AK8: variants seen among roughly 807,000 people sequenced by gnomAD.
AK8 encodes adenylate kinase 8, also known as ATP-AMP transphosphorylase 8.
AK8 carries 44 observed loss-of-function variants against 54.6 expected under a neutral mutation model. That is an observed-to-expected ratio of 0.81 (90% confidence interval 0.63 to 1.04). AK8 has a LOEUF of 1.04. AK8 is among the 50% of genes least tolerant of loss of function. The pLI is 0.00. For synonymous variants in AK8, 239 were observed against 245.6 expected, an observed-to-expected ratio of 0.97 and a Z score of 0.25; for missense variants, 555 against 613.6, an observed-to-expected ratio of 0.90 and a Z score of 1.01.
chr9:132,746,170 C>A (rs1837641469), intron 11 of AK8, among the ~76,000 whole-genome samples: 1 of 67,006 alleles, frequency 1.5e-5, no homozygotes, highest in Non-Finnish European at 3.0e-5. Flanking sequence ...TCTATTCTCT[C>A]CTCTCGCTTC....
At chr9:132,773,125 T>C (rs1839060578) in intron 11 of AK8, among the ~76,000 whole-genome samples, 1 of 152,226 alleles carries the variant, frequency 6.6e-6, no homozygotes, top group African/African-American at 2.4e-5. Context: ...ACACCTCACC[T>C]GCGAGTCTCT....
At chr9:132,877,575 A>G (rs1293605654) in intron 1 of AK8, among the ~76,000 whole-genome samples, 2 of 152,202 alleles carry the variant, frequency 1.3e-5, no homozygotes, top group African/African-American at 4.8e-5. Flanking sequence ...GGCCTCGCCC[A>G]AAGTCACACG....
chr9:132,802,916 C>T (rs1474332818), intron 10 of AK8, among the ~76,000 whole-genome samples: 1 of 152,132 alleles, frequency 6.6e-6, no homozygotes, highest in Non-Finnish European at 1.5e-5. Flanking sequence ...TGTTAGGCTA[C>T]AAGAGATACT....
At position 132,727,472 on chromosome 9, in the gene AK8, T is replaced by C. The variant is rs1330074397; in HGVS notation, c.1184A>G (p.Asp395Gly). ...CACAAACCTTTCCCCAGTGACTGGA[T>C]CAATTCTTCTCAGAGTCAGCCGCTC... Reference protein sequence around the residue: ...IMERLTLRRIDPVTGERYHLM... With the variant: ...IMERLTLRRIGPVTGERYHLM... Residue 395 changes from aspartate to glycine, a missense_variant, in exon 12 of 13, where the codon GAT becomes GGT. Physicochemically the swap from Asp to Gly is moderately conservative, Grantham distance 94. Coordinates refer to ENST00000298545, the MANE Select transcript of AK8 (RefSeq NM_152572.3). The C allele has an allele frequency of 1.2e-6, 2 of 1,613,998 alleles. No homozygotes were observed. Among genetic ancestry groups the C allele is most frequent in the East Asian group, 2.2e-5 (1 of 44,868 alleles).
At chr9:132,802,260 G>A (rs531755460) in intron 10 of AK8, among the ~76,000 whole-genome samples, 17 of 152,124 alleles carry the variant, frequency 1.1e-4, no homozygotes, top group Non-Finnish European at 2.5e-4. Context: ...AGCCTTCCCC[G>A]GTGTGGTGTG....
intron 4 of AK8, among the ~76,000 whole-genome samples, chr9:132,862,158 C>T (rs1052469631): frequency 6.6e-6 from 1 of 152,164 alleles, no homozygotes; most frequent in Admixed American, 6.5e-5. Flanking sequence ...CTGGTGTCCC[C>T]GCAAGCTGAA....
At chr9:132,855,481 C>T (rs1274180945) in intron 4 of AK8, among the ~76,000 whole-genome samples, 3 of 152,150 alleles carry the variant, frequency 2.0e-5, no homozygotes, top group Admixed American at 2.0e-4. Flanking sequence ...CCATCTCTTC[C>T]CAAGTCCACA....
At chr9:132,782,298 C>G (rs535488321) in intron 11 of AK8, among the ~76,000 whole-genome samples, 1 of 152,270 alleles carries the variant, frequency 6.6e-6, no homozygotes, top group East Asian at 1.9e-4. Context: ...ATTCTCTCCC[C>G]TGACCTGTTA....
intron 10 of AK8, among the ~76,000 whole-genome samples, chr9:132,793,908 C>T (rs1238656308): frequency 6.6e-6 from 1 of 152,118 alleles, no homozygotes; most frequent in Non-Finnish European, 1.5e-5. Context: ...GCCTGGTTAC[C>T]CTCCTACCGA....
At chr9:132,766,288 AT>A (rs1742277730) in intron 11 of AK8, among the ~76,000 whole-genome samples, 5 of 152,078 alleles carry the variant, frequency 3.3e-5, no homozygotes, top group African/African-American at 1.2e-4. Context: ...ATTTATTTTT[AT>A]TTTTAGTGGA....
chr9:132,838,051 G>A (rs1842397320), intron 5 of AK8, among the ~76,000 whole-genome samples: 2 of 152,234 alleles, frequency 1.3e-5, no homozygotes, highest in Admixed American at 6.5e-5. Flanking sequence ...ACAATGGCAA[G>A]AAAATCCTGT....
chr9:132,762,512 C>T (rs1427129829), intron 11 of AK8, among the ~76,000 whole-genome samples: 12 of 152,202 alleles, frequency 7.9e-5, no homozygotes, highest in East Asian at 1.9e-4. Context: ...TCCACAAAGA[C>T]GGCCAAACAG....
chr9:132,878,279 C>T lies in AK8; in HGVS notation c.-24G>A. 1 of 1,347,112 alleles carries T rather than the reference C, an allele frequency of 7.4e-7. No individual in the cohort carries two copies. The highest frequency in any genetic ancestry group is 9.6e-7 in the Non-Finnish European group (1 of 1,041,506). The allele number at this position is 1,347,112 out of a possible 1,614,324, so 83.4% of individuals were successfully genotyped here. A position where few individuals can be genotyped will look rare whatever the true frequency, so the allele number is the denominator to read the frequency against. On this transcript the variant is annotated 5_prime_UTR_variant, in exon 1 of 13. Transcript: ENST00000298545. This position sits in a 1 kb window ranked among gnomAD's most constrained non-coding sequence, Gnocchi z 4.7. ...ATGTAGCCGTCTCGGCTCGCCGCTC[C>T]CTAGTAACCGCGTCGCTAGGGCCGC... is the stretch of plus-strand genomic sequence containing the variant.
At chr9:132,779,220 G>A (rs987426480) in intron 11 of AK8, among the ~76,000 whole-genome samples, 17 of 152,318 alleles carry the variant, frequency 1.1e-4, no homozygotes, top group African/African-American at 3.4e-4. Flanking sequence ...GGAATTCAGC[G>A]TCACATGGGG....
Position 132,877,425 on chromosome 9 carries a change from C to T in AK8, c.84+747G>A, listed in dbSNP as rs141524184. Among the ~76,000 whole-genome samples the T allele has an allele frequency of 7.5e-3, 1,137 of 152,316 alleles. 10 individuals carry two copies. Among genetic ancestry groups the T allele is most frequent in the Admixed American group, 0.015 (228 of 15,304 alleles). ...GATGGGGTGTACCCTGGGAAGCAGA[C>T]AAATGATCTGAAAACTGAGCTCCAG... On this transcript the variant is annotated intron_variant, in intron 1 of 12. Transcript: ENST00000298545.
chr9:132,763,236 T>C (rs9695402), intron 11 of AK8, among the ~76,000 whole-genome samples: 4,581 of 152,264 alleles, frequency 0.03, 237 homozygotes, highest in African/African-American at 0.1. Flanking sequence ...TTTTAAAGAA[T>C]TGATATCATA....
intron 10 of AK8, among the ~76,000 whole-genome samples, chr9:132,797,436 C>T (rs1840225911): frequency 6.6e-6 from 1 of 152,198 alleles, no homozygotes; most frequent in Non-Finnish European, 1.5e-5. Context: ...GGTCCTGCGG[C>T]AACAGAAAAT....
rs762797347 is a variant in AK8 at position 132,814,592 on chromosome 9, C to T, written c.979+46G>A. On this transcript the variant is annotated intron_variant, in intron 10 of 12. Transcript: ENST00000298545. ...GAGAGCCGCACAAAAAGAAAGTTCT[C>T]TCTGGAGCCTGTAAGGTCATGACAG... The T allele has an allele frequency of 1.9e-6, 3 of 1,572,614 alleles. No homozygotes were observed. The East Asian group carries it at 6.8e-5, about 35-fold the overall frequency.
At chr9:132,811,265 TA>T (rs1840991900) in intron 10 of AK8, among the ~76,000 whole-genome samples, 1 of 152,346 alleles carries the variant, frequency 6.6e-6, no homozygotes, top group Admixed American at 6.5e-5. Flanking sequence ...CAAAGGGGAC[TA>T]AATTAAGGAT....
Sources: allele counts gnomAD v4.1 joint callset (sites outside exome capture counted in the v4.1 genomes callset), GRCh38; gene constraint gnomAD v4.1.1; non-coding constraint Gnocchi (gnomAD v3.1); transcripts MANE v1.5; gene names NCBI Gene and HGNC (gene_info 2026-07-23, HGNC 2026-07-21).